The following SCLY variants were observed in gnomAD, a reference collection of about 807,000 sequenced individuals.
SCLY encodes putative selenocysteine lyase.
SCLY carries 38 observed loss-of-function variants against 50.1 expected under a neutral mutation model. The observed-to-expected ratio is 0.76, with a 90% confidence interval of 0.59 to 0.99. The LOEUF is 0.99. SCLY is among the 50% of genes least tolerant of loss of function. The pLI is 0.00. For synonymous variants in SCLY, 243 were observed against 249.4 expected, an observed-to-expected ratio of 0.97 and a Z score of 0.24; for missense variants, 600 against 620.0, an observed-to-expected ratio of 0.97 and a Z score of 0.34.
At position 238,083,313 on chromosome 2, in the gene SCLY, T is replaced by C. The variant is rs1559247870; in HGVS notation, c.843T>C (p.Pro281=). The C allele has an allele frequency of 1.8e-5, 29 of 1,613,960 alleles. No homozygotes were observed. Among genetic ancestry groups the C allele is most frequent in the Non-Finnish European group, 2.5e-5 (29 of 1,179,812 alleles). ...RGLGEFTPLY[P]MLFGGGQERN... ...TTGGTGAATTTACCCCTCTCTACCC[T>C]ATGCTATTTGGAGGTGGACAAGAAC... Residue 281 remains proline, a synonymous_variant, in exon 7 of 12, where the codon CCT becomes CCC. Transcript: ENST00000254663. This position sits in a 1 kb window ranked among gnomAD's most constrained non-coding sequence, Gnocchi z 4.3.
rs760808689 is a variant in SCLY at position 238,082,069 on chromosome 2, A to T, written c.637A>T (p.Ile213Phe). Reference sequence around the variant, plus strand: ...GCCTGTCCCTGAAATCAGTCAGCGCATTAAAGCCCTGAACCAGGAACGGGT... The same window carrying T: ...GCCTGTCCCTGAAATCAGTCAGCGCTTTAAAGCCCTGAACCAGGAACGGGT... ...VMPVPEISQR[I>F]KALNQERVAA... Residue 213 changes from isoleucine to phenylalanine, a missense_variant, in exon 6 of 12, where the codon ATT becomes TTT. Transcript: ENST00000254663. 1 of 1,613,948 alleles carries T rather than the reference A, an allele frequency of 6.2e-7. No individual in the cohort carries two copies.
intron 7 of SCLY, among the ~76,000 whole-genome samples, chr2:238,090,002 A>G (rs1277240763): frequency 6.6e-6 from 1 of 152,214 alleles, no homozygotes; most frequent in African/African-American, 2.4e-5. Flanking sequence ...CTAGGAAAAA[A>G]TATTTTCAAA....
chr2:238,073,237 T>C (rs912324815), intron 4 of SCLY, among the ~76,000 whole-genome samples: 1 of 152,220 alleles, frequency 6.6e-6, no homozygotes, highest in Non-Finnish European at 1.5e-5. Context: ...CTTAGATTGG[T>C]ACCAAACTGT....
chr2:238,096,513 G>A (rs1181804828), intron 10 of SCLY, among the ~76,000 whole-genome samples: 1 of 152,250 alleles, frequency 6.6e-6, no homozygotes, highest in Non-Finnish European at 1.5e-5. Context: ...GAAGGAGCGG[G>A]TCAGGACTCC....
Position 238,069,637 on chromosome 2 carries a change from C to A in SCLY, c.484+160C>A. On this transcript the variant is annotated intron_variant, in intron 4 of 11. Coordinates refer to ENST00000254663, the MANE Select transcript of SCLY (RefSeq NM_016510.7). The surrounding 1 kb of genome is among the most constrained non-coding windows in gnomAD (Gnocchi z 5.0). The stretch of plus-strand genomic sequence containing the variant: ...TCTGATGAGGAGGCAGGCCCTGGCA[C>A]CTTGGTGAATAGTTGCCCCTCACTG... 1 of 647,938 alleles carries A rather than the reference C, an allele frequency of 1.5e-6. No individual in the cohort carries two copies. The highest frequency in any genetic ancestry group is 2.5e-6 in the Non-Finnish European group (1 of 407,940). 40.1% of individuals were successfully genotyped at this position (647,938 alleles called of 1,614,324 possible). A position where few individuals can be genotyped will look rare whatever the true frequency, so the allele number is the denominator to read the frequency against.
Position 238,069,573 on chromosome 2 carries a change from G to C in SCLY, c.484+96G>C. On this transcript the variant is annotated intron_variant, in intron 4 of 11. Transcript: ENST00000254663. This position sits in a 1 kb window ranked among gnomAD's most constrained non-coding sequence, Gnocchi z 5.0. ...AGCAGAGCCCGGGATCCGCTGCAGAGATGTAGATTCAGTGTGCCACTCACT... is the reference window on the plus strand; with the variant it reads ...AGCAGAGCCCGGGATCCGCTGCAGACATGTAGATTCAGTGTGCCACTCACT... 1 of 1,144,558 alleles carries C rather than the reference G, an allele frequency of 8.7e-7. No individual in the cohort carries two copies. The allele number at this position is 1,144,558 out of a possible 1,614,324, so 70.9% of individuals were successfully genotyped here.
At chr2:238,088,084 G>T (rs954978384) in intron 7 of SCLY, among the ~76,000 whole-genome samples, 4 of 152,228 alleles carry the variant, frequency 2.6e-5, no homozygotes, top group African/African-American at 9.6e-5. Context: ...GACAAAGTGA[G>T]ACTCTGTCTC....
At chr2:238,068,366 T>C (rs2065095386) in intron 3 of SCLY, 3 of 399,998 alleles carry the variant, frequency 7.5e-6, no homozygotes, top group South Asian at 5.2e-5. Context: ...CTGAGCAACA[T>C]AGGGAAAGTC....
chr2:238,087,393 T>C (rs1304180940), intron 7 of SCLY, among the ~76,000 whole-genome samples: 3 of 152,058 alleles, frequency 2.0e-5, no homozygotes, highest in African/African-American at 7.2e-5. Flanking sequence ...ACATAGGAAG[T>C]TGACAACTTA....
At chr2:238,068,904 T>C (rs1333455025) in intron 3 of SCLY, among the ~76,000 whole-genome samples, 1 of 152,232 alleles carries the variant, frequency 6.6e-6, no homozygotes, top group African/African-American at 2.4e-5. Context: ...ATTTGGTAGA[T>C]GTGATAAATG....
chr2:238,081,397 C>A (rs2065235031), intron 4 of SCLY: 1 of 304,718 alleles, frequency 3.3e-6, no homozygotes, highest in Non-Finnish European at 6.3e-6. Context: ...TGCACTAGGA[C>A]CCTCCCCAAA....
intron 4 of SCLY, chr2:238,079,335 A>G (rs2065210692): frequency 2.6e-5 from 4 of 152,080 alleles, no homozygotes; most frequent in Admixed American, 6.5e-5. Flanking sequence ...GGCCTCCCAA[A>G]GTGCTTACAG....
chr2:238,097,076 C>T (rs367588068), intron 11 of SCLY, among the ~76,000 whole-genome samples, 200 bp downstream of exon 11: 108 of 151,608 alleles, frequency 7.1e-4, no homozygotes, highest in African/African-American at 2.5e-3. Context: ...AGGACTTGTG[C>T]GGGAGAAGAG....
Position 238,067,573 on chromosome 2 carries a change from A to C in SCLY, c.203-492A>C, listed in dbSNP as rs1443756586. The stretch of plus-strand genomic sequence containing the variant: ...TTGAAAGCAGGTGTGTCCCTGAGAC[A>C]GTAACCTTTGTAGCCCAGGTACCCT... On this transcript the variant is annotated intron_variant, in intron 2 of 11. Transcript: ENST00000254663. This position sits in a 1 kb window ranked among gnomAD's most constrained non-coding sequence, Gnocchi z 4.3. Among the ~76,000 whole-genome samples, 1 of 152,256 alleles carries C rather than the reference A, an allele frequency of 6.6e-6. No individual in the cohort carries two copies. The highest frequency in any genetic ancestry group is 1.5e-5 in the Non-Finnish European group (1 of 68,044).
intron 1 of SCLY, among the ~76,000 whole-genome samples, chr2:238,062,061 A>G (rs538402095): frequency 8.8e-4 from 134 of 152,350 alleles, no homozygotes; most frequent in Non-Finnish European, 1.5e-3. Flanking sequence ...GAGATTCCCA[A>G]GATTTTTTAT....
rs2065084153 is a variant in SCLY at position 238,067,807 on chromosome 2, C to T, written c.203-258C>T. On this transcript the variant is annotated intron_variant, in intron 2 of 11. Transcript: ENST00000254663. This position sits in a 1 kb window ranked among gnomAD's most constrained non-coding sequence, Gnocchi z 4.3. ...CTTGGGGGACGTCCAGGTTCATAGC[C>T]AGACTCCCTTACTTGTTTCTGGGTC... Among the ~76,000 whole-genome samples the T allele has an allele frequency of 6.6e-6, 1 of 152,196 alleles. No individual in the cohort carries two copies. The highest frequency in any genetic ancestry group is 6.5e-5 in the Admixed American group (1 of 15,272).
intron 4 of SCLY, among the ~76,000 whole-genome samples, chr2:238,071,458 A>C (rs945381903): frequency 6.6e-6 from 1 of 152,034 alleles, no homozygotes; most frequent in African/African-American, 2.4e-5. Flanking sequence ...TACAAAAAAA[A>C]TTTAGCCGGG....
rs150702160 is a variant in SCLY, at chr2:238,078,046, C to T, written c.485-3663C>T. Among the ~76,000 whole-genome samples the T allele has an allele frequency of 1.8e-3, 281 of 152,108 alleles. 1 individual carries two copies. The highest frequency in any genetic ancestry group is 6.4e-3 in the African/African-American group (265 of 41,482). On this transcript the variant is annotated intron_variant, in intron 4 of 11. Transcript: ENST00000254663. ...TTGGCTCACTGCCACCTACGCCTCC[C>T]AGGTTCAAGCTATTCTCCTGCCTCA...
At chr2:238,089,779 C>G (rs183371862) in intron 7 of SCLY, among the ~76,000 whole-genome samples, 1 of 151,894 alleles carries the variant, frequency 6.6e-6, no homozygotes, top group Non-Finnish European at 1.5e-5. Flanking sequence ...AAAATAGTGT[C>G]TCAAAATAGA....
Sources: allele counts gnomAD v4.1 joint callset (sites outside exome capture counted in the v4.1 genomes callset), GRCh38; gene constraint gnomAD v4.1.1; non-coding constraint Gnocchi (gnomAD v3.1); transcripts MANE v1.5; gene names NCBI Gene and HGNC (gene_info 2026-07-23, HGNC 2026-07-21).